The following GRM8 variants were observed in gnomAD, a reference collection of about 807,000 sequenced individuals.
The protein encoded by GRM8 is metabotropic glutamate receptor 8.
A neutral mutation model predicts 87.2 loss-of-function variants in GRM8; 47 were observed. That is an observed-to-expected ratio of 0.54 (90% CI 0.43 to 0.69). The LOEUF is 0.69. Ranked by LOEUF, GRM8 falls within the 30% of genes least tolerant of loss-of-function variation. The probability of loss-of-function intolerance (pLI) is 0.00; values close to 1 mark genes in which losing one functional copy is unlikely to be tolerated. For synonymous variants in GRM8, 396 were observed against 404.5 expected, an observed-to-expected ratio of 0.98 and a Z score of 0.25; for missense variants, 1,019 against 1,139.2, an observed-to-expected ratio of 0.89 and a Z score of 1.52.
intron 3 of GRM8, chr7:127,076,244 C>T (rs1341405276): frequency 4.4e-6 from 2 of 452,906 alleles, no homozygotes; most frequent in Admixed American, 4.8e-5. Context: ...AACCTGAGGA[C>T]AAGGAAAGAA....
chr7:127,097,656 A>T (rs1259444210), intron 3 of GRM8, among the ~76,000 whole-genome samples: 1 of 152,190 alleles, frequency 6.6e-6, no homozygotes, highest in Non-Finnish European at 1.5e-5. Flanking sequence ...AGCACTTTTG[A>T]GTTTATAAAG....
chr7:126,693,152 A>C (rs940838626), intron 7 of GRM8, among the ~76,000 whole-genome samples: 2 of 152,212 alleles, frequency 1.3e-5, no homozygotes, highest in Non-Finnish European at 2.9e-5. Flanking sequence ...ACAAATGGCA[A>C]GACGGGAAAC....
At position 126,987,651 on chromosome 7, in the gene GRM8, G is replaced by A. The variant is rs534912002; in HGVS notation, c.728-82968C>T. ...AATTTTTTGTATTTTTTTTAGTAGA[G>A]ATGGGGTTTCACCATGTTAGCCAGG... On this transcript the variant is annotated intron_variant, in intron 3 of 10. Transcript: ENST00000339582. 2.6e-3 allele frequency among the ~76,000 whole-genome samples: 403 copies of A among 152,102 alleles called. 2 individuals carry two copies. Among genetic ancestry groups the A allele is most frequent in the Non-Finnish European group, 3.3e-3 (224 of 67,982 alleles).
intron 1 of GRM8, among the ~76,000 whole-genome samples, chr7:127,243,927 G>A (rs1371339346): frequency 6.7e-6 from 1 of 149,412 alleles, no homozygotes; most frequent in Non-Finnish European, 1.5e-5. Context: ...TTTCTGTGAT[G>A]TATTCAACAA....
At chr7:127,249,060 G>A (rs371913001) in intron 1 of GRM8, among the ~76,000 whole-genome samples, 5 of 152,176 alleles carry the variant, frequency 3.3e-5, no homozygotes, top group African/African-American at 9.7e-5. Context: ...TGCTTCTACC[G>A]CTGGGTCATG....
At chr7:127,047,880 T>C (rs536211712) in intron 3 of GRM8, among the ~76,000 whole-genome samples, 1 of 152,282 alleles carries the variant, frequency 6.6e-6, no homozygotes, top group South Asian at 2.1e-4. Flanking sequence ...CTTCCTTTGA[T>C]TAAATAAACA....
intron 9 of GRM8, among the ~76,000 whole-genome samples, chr7:126,486,546 C>T (rs1452603455): frequency 6.6e-6 from 1 of 152,002 alleles, no homozygotes; most frequent in African/African-American, 2.4e-5. Flanking sequence ...AGGCTGGAAC[C>T]ATTCGTAAGC....
At chr7:127,053,087 G>C (rs1344238068) in intron 3 of GRM8, among the ~76,000 whole-genome samples, 1 of 152,174 alleles carries the variant, frequency 6.6e-6, no homozygotes. Context: ...CTTGTGATTT[G>C]TGACACCATA....
chr7:126,853,042 A>G (rs745740702), intron 6 of GRM8, among the ~76,000 whole-genome samples: 1 of 152,190 alleles, frequency 6.6e-6, no homozygotes, highest in Non-Finnish European at 1.5e-5. Flanking sequence ...CAATTTTGTG[A>G]TGGATGGAAT....
chr7:127,147,454 C>G (rs887134118), intron 2 of GRM8, among the ~76,000 whole-genome samples: 1 of 152,004 alleles, frequency 6.6e-6, no homozygotes, highest in African/African-American at 2.4e-5. Context: ...TGGCTGGGTA[C>G]TTCTCTGCTA....
intron 6 of GRM8, among the ~76,000 whole-genome samples, chr7:126,787,938 CA>C (rs1820796501): frequency 6.6e-6 from 1 of 151,946 alleles, no homozygotes; most frequent in South Asian, 2.1e-4. Flanking sequence ...TTCTCTTAGA[CA>C]AAAAATATCA....
At chr7:126,710,943 C>A (rs1585620044) in intron 7 of GRM8, among the ~76,000 whole-genome samples, 2 of 152,174 alleles carry the variant, frequency 1.3e-5, no homozygotes, top group East Asian at 3.8e-4. Flanking sequence ...GAGGCCAAGG[C>A]AGGTGGATCA....
chr7:127,188,503 T>G (rs565495460), intron 2 of GRM8, among the ~76,000 whole-genome samples: 81 of 152,260 alleles, frequency 5.3e-4, no homozygotes, highest in Non-Finnish European at 9.4e-4. Flanking sequence ...TCTCAAGCAT[T>G]GTGCAAAAGA....
chr7:126,947,222 A>G (rs998653837), intron 3 of GRM8, among the ~76,000 whole-genome samples: 1 of 152,256 alleles, frequency 6.6e-6, no homozygotes, highest in African/African-American at 2.4e-5. Context: ...ATTTGGCAGG[A>G]AAGTCCAAGC....
chr7:127,072,482 C>T (rs1259946000), intron 3 of GRM8, among the ~76,000 whole-genome samples: 2 of 152,102 alleles, frequency 1.3e-5, no homozygotes, highest in Non-Finnish European at 2.9e-5. Context: ...TTTTCCCAAC[C>T]ACTCCAGATT....
chr7:126,975,618 C>T (rs148954225), intron 3 of GRM8, among the ~76,000 whole-genome samples: 81 of 152,304 alleles, frequency 5.3e-4, no homozygotes, highest in African/African-American at 1.9e-3. Context: ...TTTATGCTAA[C>T]ACTCCTGCCC....
chr7:126,462,917 T>G (rs1055780459), intron 9 of GRM8, among the ~76,000 whole-genome samples: 5 of 151,740 alleles, frequency 3.3e-5, no homozygotes, highest in African/African-American at 1.2e-4. Context: ...AAAAGGGATG[T>G]GGCATAGGTA....
intron 7 of GRM8, among the ~76,000 whole-genome samples, chr7:126,743,886 ATTTGCACT>A (rs1815315628): frequency 6.9e-6 from 1 of 144,562 alleles, no homozygotes; most frequent in South Asian, 2.2e-4. Context: ...TTGTGTTGAC[ATTTGCACT>A]TATGGTAAAA....
chr7:127,230,137 T>A (rs544582639), intron 2 of GRM8, among the ~76,000 whole-genome samples: 1 of 148,248 alleles, frequency 6.7e-6, no homozygotes, highest in Admixed American at 6.8e-5. Flanking sequence ...TTCACCCCTG[T>A]TTAGCTGTTC....
Sources: gnomAD v4.1 joint callset for allele counts (sites outside exome capture counted in the v4.1 genomes callset) on GRCh38, gnomAD v4.1.1 for gene constraint, MANE v1.5 for transcripts, NCBI Gene and HGNC (gene_info 2026-07-23, HGNC 2026-07-21) for gene names.